Variants in PLXNA2 observed in about 807,000 individuals in gnomAD.
The protein encoded by PLXNA2 is plexin-A2.
Under a neutral mutation model 193.5 loss-of-function variants are expected in PLXNA2, and 91 were observed. The observed-to-expected ratio is 0.47, with a 90% CI of 0.40 to 0.56. The LOEUF (loss-of-function observed/expected upper bound fraction) is 0.56. Among genes scored for constraint, PLXNA2 ranks in the 20% least tolerant of loss-of-function variants. The pLI, the probability that PLXNA2 is intolerant of heterozygous loss-of-function variation, is 0.00. For synonymous variants in PLXNA2, 997 were observed against 1,027.3 expected, an observed-to-expected ratio of 0.97 and a Z score of 0.56; for missense variants, 1,995 against 2,503.2, an observed-to-expected ratio of 0.80 and a Z score of 4.33.
intron 3 of PLXNA2, among the ~76,000 whole-genome samples, chr1:208,145,042 T>TAGAC (rs776287130): frequency 1.3e-5 from 2 of 152,272 alleles, no homozygotes; most frequent in Admixed American, 1.3e-4. Flanking sequence ...CTCCCTTAGA[T>TAGAC]AGACAGACCC....
At position 208,216,783 on chromosome 1, in the gene PLXNA2, G is replaced by T. The variant is rs916615087; in HGVS notation, c.1140C>A (p.Asn380Lys). 25 of 1,614,040 alleles carry T rather than the reference G, an allele frequency of 1.5e-5. No homozygotes were observed. Among genetic ancestry groups the T allele is most frequent in the Non-Finnish European group, 1.9e-5 (23 of 1,180,036 alleles). Residue 380 changes from asparagine (N) to lysine (K), a missense_variant, in exon 2 of 32, where the codon AAC (asparagine) becomes AAA (lysine). By Grantham distance (94) the Asn-to-Lys change is moderately conservative. Transcript: ENST00000367033. ...TCCCCAGCAGCCAGTTGAGCTCCAG[G>T]TTGCCCTCGCCCTGGTAGCAGGACT... is the stretch of plus-strand genomic sequence containing the variant. Reference protein sequence around the residue: ...RLQSCYQGEGNLELNWLLGKD... With the variant: ...RLQSCYQGEGKLELNWLLGKD...
chr1:208,231,106 C>T (rs561076484), intron 1 of PLXNA2, among the ~76,000 whole-genome samples: 1 of 152,286 alleles, frequency 6.6e-6, no homozygotes, highest in African/African-American at 2.4e-5. Context: ...AGCCCAGCCC[C>T]GGACCTCTTG....
intron 4 of PLXNA2, among the ~76,000 whole-genome samples, chr1:208,105,365 G>A (rs1290874592): frequency 6.6e-6 from 1 of 152,250 alleles, no homozygotes; most frequent in African/African-American, 2.4e-5. Context: ...TCACAGGGAT[G>A]CATAAGCAGT....
intron 3 of PLXNA2, among the ~76,000 whole-genome samples, chr1:208,177,874 T>C (rs909698402): frequency 1.3e-5 from 2 of 152,224 alleles, no homozygotes; most frequent in African/African-American, 4.8e-5. Flanking sequence ...AGCAGTCAGG[T>C]GATTCTGATG....
intron 12 of PLXNA2, among the ~76,000 whole-genome samples, chr1:208,075,113 C>T (rs1250962676): frequency 2.6e-5 from 4 of 152,140 alleles, no homozygotes; most frequent in Admixed American, 2.6e-4. Context: ...GAGTTTGAGA[C>T]AAGCCTGGCC....
chr1:208,036,433 G>A (rs1664672052), intron 26 of PLXNA2, among the ~76,000 whole-genome samples: 1 of 152,200 alleles, frequency 6.6e-6, no homozygotes, highest in South Asian at 2.1e-4. Flanking sequence ...ATGCCTGGCT[G>A]GGTCTGACCT....
chr1:208,064,332 A>G (rs752016), intron 12 of PLXNA2, among the ~76,000 whole-genome samples: 24,536 of 152,200 alleles, frequency 0.16, 2,532 homozygotes, highest in East Asian at 0.44. Context: ...CACTTGCTCT[A>G]AAAACCTTCC....
intron 1 of PLXNA2, among the ~76,000 whole-genome samples, chr1:208,231,631 G>A (rs1276901973): frequency 1.3e-5 from 2 of 152,172 alleles, no homozygotes; most frequent in Non-Finnish European, 2.9e-5. Context: ...AAGTATTTGT[G>A]CAATGATTTT....
chr1:208,114,113 G>T (rs1339749918), intron 4 of PLXNA2, among the ~76,000 whole-genome samples: 1 of 152,154 alleles, frequency 6.6e-6, no homozygotes, highest in African/African-American at 2.4e-5. Flanking sequence ...GCTCCTGAAA[G>T]ATACTATAAA....
chr1:208,196,404 C>T (rs1670361427), intron 3 of PLXNA2, among the ~76,000 whole-genome samples: 1 of 152,186 alleles, frequency 6.6e-6, no homozygotes, highest in Non-Finnish European at 1.5e-5. Context: ...ACTTTCTAGC[C>T]ACACACTTGC....
intron 12 of PLXNA2, among the ~76,000 whole-genome samples, chr1:208,075,032 C>T (rs968785761): frequency 3.3e-5 from 5 of 152,158 alleles, no homozygotes; most frequent in Admixed American, 6.5e-5. Context: ...ATGAGTTGGC[C>T]GGGCATGGTG....
rs1666906896 is a variant in PLXNA2 at position 208,096,750 on chromosome 1, G to C, written c.1865C>G (p.Pro622Arg). The change falls in exon 7 of 32, where the codon CCT (proline) becomes CGT (arginine). Residue 622 changes from proline (P) to arginine (R), a missense_variant. Pro to Arg is a moderately radical substitution (Grantham distance 103). Transcript: ENST00000367033. The stretch of plus-strand genomic sequence containing the variant: ...CTTACCTTGATCCAGCGGGATGACA[G>C]GGACATCCTTGGGCCCAGGTGAGAT... Reference protein sequence around the residue: ...ICISPGPKDVPVIPLDQDWFG... With the variant: ...ICISPGPKDVRVIPLDQDWFG... 1.9e-6 allele frequency: 3 copies of C among 1,614,016 alleles called. No homozygotes were observed. Among genetic ancestry groups the C allele is most frequent in the Non-Finnish European group, 2.5e-6 (3 of 1,180,032 alleles).
At chr1:208,240,108 T>A (rs1384855734) in intron 1 of PLXNA2, among the ~76,000 whole-genome samples, 1 of 152,228 alleles carries the variant, frequency 6.6e-6, no homozygotes, top group Non-Finnish European at 1.5e-5. Context: ...TTCTTTCAGC[T>A]CTGTGCCCTT....
rs774978587 is a variant in PLXNA2 at position 208,051,087 on chromosome 1, C to A, written c.3177G>T (p.Leu1059=). The part of the protein sequence containing the change: ...EWSIASGHTP[L]TITGFNLDVI... ...CATCCAGGTTGAAGCCTGTGATGGTCAGGGGTGTGTGGCCACTGAAAACAG... is the reference window on the plus strand; with the variant it reads ...CATCCAGGTTGAAGCCTGTGATGGTAAGGGGTGTGTGGCCACTGAAAACAG... The change falls in exon 17 of 32, where the codon CTG becomes CTT. Residue 1059 remains leucine (L), a synonymous_variant. Transcript: ENST00000367033. 35 of 1,614,032 alleles carry A rather than the reference C, an allele frequency of 2.2e-5. 1 individual carries two copies. The South Asian group carries it at 3.6e-4, about 17-fold the overall frequency.
chr1:208,094,460 C>T (rs1301263820), intron 8 of PLXNA2, among the ~76,000 whole-genome samples: 1 of 151,896 alleles, frequency 6.6e-6, no homozygotes, highest in Admixed American at 6.6e-5. Context: ...TTAAAACTTG[C>T]TGCCTGTGAC....
At chr1:208,031,789 G>T in intron 28 of PLXNA2, 30 bp from the exon 29 acceptor site, 1 of 1,538,076 alleles carries the variant, frequency 6.5e-7, no homozygotes, top group East Asian at 2.3e-5. Flanking sequence ...GAGTAAGATG[G>T]AGGGGGGTGA....
At chr1:208,095,937 G>A (rs905083056) in intron 8 of PLXNA2, 92 bp downstream of exon 8, 17 of 940,862 alleles carry the variant, frequency 1.8e-5, no homozygotes, top group Non-Finnish European at 2.9e-5. Flanking sequence ...ACTACAACGT[G>A]GTTCCTGCCC....
At chr1:208,074,049 A>G (rs1231144355) in intron 12 of PLXNA2, among the ~76,000 whole-genome samples, 2 of 152,220 alleles carry the variant, frequency 1.3e-5, no homozygotes, top group African/African-American at 2.4e-5. Flanking sequence ...GGAAACTGAT[A>G]CACTCGCTTG....
At chr1:208,163,931 T>A (rs1669214230) in intron 3 of PLXNA2, among the ~76,000 whole-genome samples, 1 of 152,190 alleles carries the variant, frequency 6.6e-6, no homozygotes, top group Admixed American at 6.5e-5. Context: ...CTCTTGGATG[T>A]CAGCATGTGG....
Sources: allele counts gnomAD v4.1 joint callset (sites outside exome capture counted in the v4.1 genomes callset), GRCh38; gene constraint gnomAD v4.1.1; transcripts MANE v1.5; gene names NCBI Gene and HGNC (gene_info 2026-07-23, HGNC 2026-07-21).